The following FOXJ3 variants were observed in gnomAD, a reference collection of about 807,000 sequenced individuals.
FOXJ3 encodes forkhead box J3.
A neutral mutation model predicts 76.1 loss-of-function variants in FOXJ3; 22 were observed. That is an observed-to-expected ratio of 0.29 (90% CI 0.21 to 0.41). FOXJ3 has a LOEUF of 0.41. FOXJ3 is among the 10% of genes least tolerant of loss of function. The pLI, the probability that FOXJ3 is intolerant of heterozygous loss-of-function variation, is 1.00. For synonymous variants in FOXJ3, 269 were observed against 261.2 expected, an observed-to-expected ratio of 1.03 and a Z score of -0.29; for missense variants, 613 against 762.1, an observed-to-expected ratio of 0.80 and a Z score of 2.30.
intron 4 of FOXJ3, among the ~76,000 whole-genome samples, chr1:42,255,347 G>C (rs1364418580): frequency 6.6e-6 from 1 of 152,130 alleles, no homozygotes; most frequent in African/African-American, 2.4e-5. Context: ...TTAAGCTCTA[G>C]AATGACTACT....
intron 4 of FOXJ3, among the ~76,000 whole-genome samples, chr1:42,255,036 C>G (rs1650468065): frequency 6.6e-6 from 1 of 150,978 alleles, no homozygotes; most frequent in South Asian, 2.1e-4. Context: ...GAAAGAACAT[C>G]AGAAAAGGTA....
chr1:42,216,947 T>G (rs1452708417), intron 5 of FOXJ3, among the ~76,000 whole-genome samples: 2 of 152,176 alleles, frequency 1.3e-5, no homozygotes, highest in Non-Finnish European at 2.9e-5. Context: ...CATTAAATGT[T>G]AAGTAAATGC....
At chr1:42,199,015 T>C in intron 7 of FOXJ3, 87 bp downstream of exon 7, 1 of 1,097,160 alleles carries the variant, frequency 9.1e-7, no homozygotes, top group East Asian at 2.4e-5. Context: ...CATACCTTCA[T>C]TTTTAAATTT....
chr1:42,251,706 A>ATTT lies in FOXJ3; in HGVS notation c.444+13406_444+13408dup, dbSNP rs1168120638. Among the ~76,000 whole-genome samples the ATTT allele has an allele frequency of 4.5e-3, 398 of 87,528 alleles. 28 individuals are homozygous for ATTT. Among genetic ancestry groups the ATTT allele is most frequent in the African/African-American group, 0.012 (240 of 20,390 alleles). The allele number at this position is 87,528 out of a possible 152,430, so 57.4% of individuals were successfully genotyped here. A position where few individuals can be genotyped will look rare whatever the true frequency, so the allele number is the denominator to read the frequency against. ...GTGCTGCTGGATTCGGTTTGCCAGT[A>ATTT]TTTTTTTTTTTTTTTTTTTTTTTTT... On this transcript the variant is annotated intron_variant, in intron 4 of 12. Coordinates refer to ENST00000361346, the MANE Select transcript of FOXJ3 (RefSeq NM_014947.5).
At chr1:42,258,824 G>C (rs555979206) in intron 4 of FOXJ3, among the ~76,000 whole-genome samples, 1 of 152,146 alleles carries the variant, frequency 6.6e-6, no homozygotes, top group Non-Finnish European at 1.5e-5. Flanking sequence ...TTAAGTTAGA[G>C]ATAAAGTTTT....
chr1:42,276,902 G>C (rs1212155632), intron 3 of FOXJ3, among the ~76,000 whole-genome samples: 5 of 152,104 alleles, frequency 3.3e-5, no homozygotes, highest in Admixed American at 6.5e-5. Flanking sequence ...ATCTAATCAT[G>C]AGCAACATAT....
intron 4 of FOXJ3, among the ~76,000 whole-genome samples, chr1:42,263,588 A>G (rs1651226955): frequency 6.6e-6 from 1 of 152,196 alleles, no homozygotes; most frequent in Non-Finnish European, 1.5e-5. Context: ...TTCTTACAAG[A>G]CTATTATAAT....
chr1:42,333,064 A>C (rs572330365), intron 1 of FOXJ3, among the ~76,000 whole-genome samples: 4 of 152,192 alleles, frequency 2.6e-5, no homozygotes, highest in Non-Finnish European at 5.9e-5. Flanking sequence ...ACTTTACAGA[A>C]GTACACAAAT....
intron 1 of FOXJ3, among the ~76,000 whole-genome samples, chr1:42,315,767 G>C (rs1655071162): frequency 6.6e-6 from 1 of 152,150 alleles, no homozygotes; most frequent in Non-Finnish European, 1.5e-5. Flanking sequence ...AAATCTCTGT[G>C]GCATCAACTG....
At chr1:42,230,043 C>T (rs886866881) in intron 4 of FOXJ3, among the ~76,000 whole-genome samples, 2 of 152,046 alleles carry the variant, frequency 1.3e-5, no homozygotes, top group Admixed American at 6.5e-5. Flanking sequence ...ACACAAAATA[C>T]GAATGGTTGT....
intron 2 of FOXJ3, among the ~76,000 whole-genome samples, chr1:42,284,570 A>G (rs1469638152): frequency 6.6e-6 from 1 of 152,196 alleles, no homozygotes; most frequent in African/African-American, 2.4e-5. Flanking sequence ...TGAAAAAACC[A>G]AGTGCTTCTG....
intron 2 of FOXJ3, among the ~76,000 whole-genome samples, chr1:42,300,460 A>AT (rs1268513262): frequency 6.6e-6 from 1 of 151,990 alleles, no homozygotes; most frequent in Non-Finnish European, 1.5e-5. Context: ...TACAAAGCTT[A>AT]TTTTTTTGGC....
intron 4 of FOXJ3, among the ~76,000 whole-genome samples, chr1:42,239,209 C>T (rs758723213): frequency 6.6e-6 from 1 of 152,108 alleles, no homozygotes; most frequent in Non-Finnish European, 1.5e-5. Context: ...TAAAGACAAG[C>T]TTACATTATT....
chr1:42,240,504 G>A (rs1235643340), intron 4 of FOXJ3, among the ~76,000 whole-genome samples: 1 of 152,130 alleles, frequency 6.6e-6, no homozygotes, highest in Non-Finnish European at 1.5e-5. Flanking sequence ...GCTGGCATAG[G>A]AGCAGACATA....
At chr1:42,299,733 C>T (rs1171235256) in intron 2 of FOXJ3, among the ~76,000 whole-genome samples, 1 of 151,614 alleles carries the variant, frequency 6.6e-6, no homozygotes, top group Admixed American at 6.6e-5. Flanking sequence ...ATGGCAAAAC[C>T]TCATCTCTAC....
At chr1:42,222,076 A>G (rs1003410827) in intron 5 of FOXJ3, among the ~76,000 whole-genome samples, 1 of 137,396 alleles carries the variant, frequency 7.3e-6, no homozygotes. Flanking sequence ...GAAGAAGAAG[A>G]AGAAGAAGAA....
At chr1:42,216,448 G>A (rs1037365018) in intron 5 of FOXJ3, among the ~76,000 whole-genome samples, 1 of 151,636 alleles carries the variant, frequency 6.6e-6, no homozygotes, top group Non-Finnish European at 1.5e-5. Context: ...AACCCGGGAG[G>A]CGGAGCTTGC....
intron 5 of FOXJ3, among the ~76,000 whole-genome samples, chr1:42,225,647 T>A (rs560820125): frequency 1.3e-5 from 2 of 151,864 alleles, no homozygotes; most frequent in South Asian, 2.1e-4. Context: ...GGCCCTGGTA[T>A]GTTTATGAAT....
intron 4 of FOXJ3, among the ~76,000 whole-genome samples, chr1:42,237,135 G>C (rs562494133): frequency 2.6e-5 from 4 of 151,922 alleles, no homozygotes; most frequent in Non-Finnish European, 4.4e-5. Flanking sequence ...CAGCACTCTC[G>C]GAGGCCGAGG....
Sources: allele counts gnomAD v4.1 joint callset (sites outside exome capture counted in the v4.1 genomes callset), GRCh38; gene constraint gnomAD v4.1.1; transcripts MANE v1.5; gene names NCBI Gene and HGNC (gene_info 2026-07-23, HGNC 2026-07-21).